EPDR1: variants seen among roughly 807,000 people sequenced by gnomAD.
The protein encoded by EPDR1 is mammalian ependymin-related protein 1.
EPDR1 carries 27 observed loss-of-function variants against 23.7 expected under a neutral mutation model. The observed-to-expected ratio is 1.14, with a 90% confidence interval of 0.84 to 1.57. The LOEUF is 1.57. Ranked by LOEUF, EPDR1 falls within the 40% of genes most tolerant of loss-of-function variation. The probability of loss-of-function intolerance (pLI) is 0.00; values close to 1 mark genes in which losing one functional copy is unlikely to be tolerated. For synonymous variants in EPDR1, 137 were observed against 118.2 expected (o/e 1.16, Z -1.03); for missense variants, 349 against 290.4 (o/e 1.20, Z -1.47).
chr7:37,943,153 G>A (rs1174417828), intron 1 of EPDR1, among the ~76,000 whole-genome samples: 1 of 152,250 alleles, frequency 6.6e-6, no homozygotes, highest in Non-Finnish European at 1.5e-5. Flanking sequence ...CAGCAAGGAG[G>A]CGAAGTTTGT....
intron 1 of EPDR1, among the ~76,000 whole-genome samples, chr7:37,943,562 C>T (rs1786212842): frequency 6.6e-6 from 1 of 152,192 alleles, no homozygotes; most frequent in South Asian, 2.1e-4. Context: ...TGTCATAGAG[C>T]AGTACTAGCA....
intron 1 of EPDR1, among the ~76,000 whole-genome samples, chr7:37,944,131 A>G (rs1165361834): frequency 1.3e-5 from 2 of 152,248 alleles, no homozygotes; most frequent in Admixed American, 6.5e-5. Context: ...AAGGAAGCTT[A>G]TTGTAACTCT....
At chr7:37,944,673 G>A (rs1042657165) in intron 1 of EPDR1, among the ~76,000 whole-genome samples, 1 of 152,178 alleles carries the variant, frequency 6.6e-6, no homozygotes, top group Non-Finnish European at 1.5e-5. Context: ...CAGAAGAAAA[G>A]CATGGGAAAG....
At chr7:37,936,848 C>T (rs1341243521) in intron 1 of EPDR1, among the ~76,000 whole-genome samples, 1 of 152,032 alleles carries the variant, frequency 6.6e-6, no homozygotes, top group Non-Finnish European at 1.5e-5. Context: ...GATATCAGTT[C>T]TCCTAGATTT....
At position 37,925,791 on chromosome 7, in the gene EPDR1, G is replaced by T. The variant is rs17171213; in HGVS notation, c.269+4583G>T. The stretch of plus-strand genomic sequence containing the variant: ...ATTTGTTAAATGCTAGGTACAGATA[G>T]TATTAAATGATATCCTGAAGGCACC... On this transcript the variant is annotated intron_variant, in intron 1 of 2. Coordinates refer to ENST00000199448, the MANE Select transcript of EPDR1 (RefSeq NM_017549.5). Among the ~76,000 whole-genome samples, 1,056 of 152,318 alleles carry T rather than the reference G, an allele frequency of 6.9e-3. 9 individuals are homozygous for T. Among genetic ancestry groups the T allele is most frequent in the African/African-American group, 0.023 (936 of 41,568 alleles).
chr7:37,939,909 A>C (rs1786136914), intron 1 of EPDR1, among the ~76,000 whole-genome samples: 1 of 152,224 alleles, frequency 6.6e-6, no homozygotes, highest in African/African-American at 2.4e-5. Context: ...CAAAACCACA[A>C]ATGCTTTTAC....
rs532188688 is a variant in EPDR1 at position 37,950,503 on chromosome 7, A to T, written c.*107A>T. Reference sequence around the variant, plus strand: ...GTGAATGCTAATTGGAGAGAAATATAATTTTAGGAAGATGCACATTGATGT... The same window carrying T: ...GTGAATGCTAATTGGAGAGAAATATTATTTTAGGAAGATGCACATTGATGT... On this transcript the variant is annotated 3_prime_UTR_variant, in exon 3 of 3. Transcript: ENST00000199448. 4.7e-6 allele frequency: 5 copies of T among 1,068,154 alleles called. No individual in the cohort carries two copies. Among genetic ancestry groups the T allele is most frequent in the African/African-American group, 3.2e-5 (2 of 62,536 alleles). The allele number at this position is 1,068,154 out of a possible 1,614,324, so 66.2% of individuals were successfully genotyped here. A position where few individuals can be genotyped will look rare whatever the true frequency, so the allele number is the denominator to read the frequency against.
rs187020629 is a variant in EPDR1 at position 37,947,838 on chromosome 7, G to A, written c.270-1002G>A. 2.1e-3 allele frequency among the ~76,000 whole-genome samples: 318 copies of A among 152,292 alleles called. 1 individual carries two copies. Among genetic ancestry groups the A allele is most frequent in the Non-Finnish European group, 3.5e-3 (237 of 68,024 alleles). ...AATACTGCATGGCTGGTGACTCCTG[G>A]GCTCAGCCTCTGAATATCTCCCTGT... is the stretch of plus-strand genomic sequence containing the variant. On this transcript the variant is annotated intron_variant, in intron 1 of 2. Coordinates refer to ENST00000199448, the MANE Select transcript of EPDR1 (RefSeq NM_017549.5).
chr7:37,925,528 A>G (rs1785795787), intron 1 of EPDR1, among the ~76,000 whole-genome samples: 1 of 152,210 alleles, frequency 6.6e-6, no homozygotes, highest in South Asian at 2.1e-4. Flanking sequence ...CTCCCAGAGC[A>G]TATTATTTCT....
At chr7:37,941,801 G>A (rs1786176171) in intron 1 of EPDR1, among the ~76,000 whole-genome samples, 2 of 152,164 alleles carry the variant, frequency 1.3e-5, no homozygotes, top group Non-Finnish European at 2.9e-5. Context: ...ACTTGAATAT[G>A]GAGCAGATAT....
chr7:37,921,633 T>C (rs1054409205), intron 1 of EPDR1, among the ~76,000 whole-genome samples: 4 of 152,258 alleles, frequency 2.6e-5, no homozygotes, highest in Non-Finnish European at 4.4e-5. Flanking sequence ...ACGCAGAATA[T>C]GTATTTTCTA....
Position 37,951,244 on chromosome 7 carries a change from G to A in EPDR1, c.*848G>A, listed in dbSNP as rs1786400962. 6.6e-6 allele frequency: 1 copy of A among 152,202 alleles called. No individual in the cohort carries two copies. Among genetic ancestry groups the A allele is most frequent in the Non-Finnish European group, 1.5e-5 (1 of 68,042 alleles). 9.4% of individuals were successfully genotyped at this position (152,202 alleles called of 1,614,324 possible). A position where few individuals can be genotyped will look rare whatever the true frequency, so the allele number is the denominator to read the frequency against. Reference sequence around the variant, plus strand: ...ATTGTCTCCTAAACCCAGGACTAGAGTTCCCTCGTACTGTCACTCCTTTGG... The same window carrying A: ...ATTGTCTCCTAAACCCAGGACTAGAATTCCCTCGTACTGTCACTCCTTTGG... On this transcript the variant is annotated 3_prime_UTR_variant, in exon 3 of 3. Transcript: ENST00000199448.
intron 1 of EPDR1, among the ~76,000 whole-genome samples, chr7:37,946,334 T>C (rs940246601): frequency 1.3e-5 from 2 of 152,194 alleles, no homozygotes; most frequent in Non-Finnish European, 2.9e-5. Flanking sequence ...TTGAACTAAT[T>C]TATACTCCCA....
At chr7:37,922,008 C>A (rs1434663395) in intron 1 of EPDR1, among the ~76,000 whole-genome samples, 1 of 152,170 alleles carries the variant, frequency 6.6e-6, no homozygotes, top group African/African-American at 2.4e-5. Context: ...AGGAAACCCT[C>A]TTTTTGAGAT....
chr7:37,950,424 G>T lies in EPDR1; in HGVS notation c.*28G>T. On this transcript the variant is annotated 3_prime_UTR_variant, in exon 3 of 3. Transcript: ENST00000199448. ...CTGTGCATAGGGAAGCGGCAGCATC[G>T]GATGTCAGCCCCCTGCGGCCCCAGC... 6.3e-7 allele frequency: 1 copy of T among 1,578,828 alleles called. No homozygotes were observed. The highest frequency in any genetic ancestry group is 1.2e-5 in the South Asian group (1 of 86,528).
At chr7:37,926,976 A>G (rs1444518902) in intron 1 of EPDR1, among the ~76,000 whole-genome samples, 1 of 152,130 alleles carries the variant, frequency 6.6e-6, no homozygotes, top group Admixed American at 6.5e-5. Context: ...GGCCAGTGGA[A>G]GCCTCTTCAA....
Position 37,950,714 on chromosome 7 carries a change from G to A in EPDR1, c.*318G>A, listed in dbSNP as rs374076073. On this transcript the variant is annotated 3_prime_UTR_variant, in exon 3 of 3. Coordinates refer to ENST00000199448, the MANE Select transcript of EPDR1 (RefSeq NM_017549.5). ...ACATAATGCAGTGCCATGCACATAG[G>A]GAAGGGTCAGTAAGAGAAGTTTGCC... 17 of 243,490 alleles carry A rather than the reference G, an allele frequency of 7.0e-5. 1 individual carries two copies. Among genetic ancestry groups the A allele is most frequent in the East Asian group, 2.4e-4 (3 of 12,446 alleles). The allele number at this position is 243,490 out of a possible 1,614,324, so 15.1% of individuals were successfully genotyped here.
intron 1 of EPDR1, among the ~76,000 whole-genome samples, chr7:37,924,955 G>A (rs1785786440): frequency 6.6e-6 from 1 of 152,094 alleles, no homozygotes; most frequent in Non-Finnish European, 1.5e-5. Context: ...AGATAGTTAT[G>A]GAAAATCCCA....
chr7:37,946,935 AT>A (rs2132019677), intron 1 of EPDR1, among the ~76,000 whole-genome samples: 1 of 152,342 alleles, frequency 6.6e-6, no homozygotes, highest in African/African-American at 2.4e-5. Flanking sequence ...AAAAATCAAA[AT>A]GTATATAAAG....
Sources: allele counts gnomAD v4.1 joint callset (sites outside exome capture counted in the v4.1 genomes callset), GRCh38; gene constraint gnomAD v4.1.1; transcripts MANE v1.5; gene names NCBI Gene and HGNC (gene_info 2026-07-23, HGNC 2026-07-21).